SH3TC1: variants seen among roughly 807,000 people sequenced by gnomAD.
SH3TC1 encodes the protein SH3 domain and tetratricopeptide repeats 1, also known as SH3 domain and tetratricopeptide repeat-containing protein 1.
SH3TC1 carries 135 observed loss-of-function variants against 117.3 expected under a neutral mutation model. That is an observed-to-expected ratio of 1.15 (90% CI 1.00 to 1.33). The LOEUF (loss-of-function observed/expected upper bound fraction) is 1.33, where lower values mean the gene tolerates loss of function less well. SH3TC1 is among the 40% of genes most tolerant of loss of function. The probability of loss-of-function intolerance (pLI) is 0.00; values close to 1 mark genes in which losing one functional copy is unlikely to be tolerated. For synonymous variants in SH3TC1, 898 were observed against 816.9 expected (o/e 1.10, Z -1.69); for missense variants, 2,092 against 1,794.3 (o/e 1.17, Z -3.00).
rs541212836 is a variant in SH3TC1, at chr4:8,239,452, G to A, written c.3754-1246G>A. On this transcript the variant is annotated intron_variant, in intron 17 of 17. Transcript: ENST00000245105. ...CATGCACACACACGGACACGCACAC[G>A]CAGATGCACACAGGCATATGCACAC... Among the ~76,000 whole-genome samples, 8 of 142,342 alleles carry A rather than the reference G, an allele frequency of 5.6e-5. No homozygotes were observed. The South Asian group carries it at 9.1e-4, about 16-fold the overall frequency. 93.4% of individuals were successfully genotyped at this position (142,342 alleles called of 152,430 possible).
chr4:8,216,731 G>T (rs1175068267), intron 6 of SH3TC1, among the ~76,000 whole-genome samples: 2 of 152,138 alleles, frequency 1.3e-5, no homozygotes, highest in Non-Finnish European at 2.9e-5. Flanking sequence ...CCAGGGCGAG[G>T]GTCTGAGGCT....
rs777696298 is a variant in SH3TC1 at position 8,227,476 on chromosome 4, C to T, written c.1782C>T (p.Phe594=). Residue 594 remains phenylalanine (F), a synonymous_variant, in exon 12 of 18, where the codon TTC becomes TTT. Coordinates refer to ENST00000245105, the MANE Select transcript of SH3TC1 (RefSeq NM_018986.5). ...CGCTGGGGGCCCTGGAGGGCAGCTTCGGGGACCTGTTCCTAGTGGTGGCTG... is the reference window on the plus strand; with the variant it reads ...CGCTGGGGGCCCTGGAGGGCAGCTTTGGGGACCTGTTCCTAGTGGTGGCTG... ...EEALGALEGS[F]GDLFLVVAVY... The T allele has an allele frequency of 2.6e-5, 40 of 1,565,718 alleles. No homozygotes were observed. The East Asian group carries it at 4.9e-4, about 19-fold the overall frequency.
In SH3TC1 at chr4:8,234,447, C is replaced by T. The variant is rs1490914241; in HGVS notation, c.3282+934C>T. On this transcript the variant is annotated intron_variant, in intron 14 of 17. Coordinates refer to ENST00000245105, the MANE Select transcript of SH3TC1 (RefSeq NM_018986.5). The stretch of plus-strand genomic sequence containing the variant: ...ACCCATCCATCCATACATTATCCAC[C>T]CACCCATACATACACACATCATTCA... 2.0e-5 allele frequency among the ~76,000 whole-genome samples: 3 copies of T among 151,478 alleles called. No homozygotes were observed. In the East Asian group the frequency reaches 5.9e-4, roughly 30 times the overall value.
rs200132766 is a variant in SH3TC1, at chr4:8,214,523, G to A, written c.424G>A (p.Val142Met). The change falls in exon 5 of 18, where the codon GTG becomes ATG. Residue 142 changes from valine to methionine, a missense_variant. Coordinates refer to ENST00000245105, the MANE Select transcript of SH3TC1 (RefSeq NM_018986.5). ...CATCCACAGTGACCAGGACCGGATC[G>A]TGGTGACGTTTAAGACTTTTGAAGA... ...LSIHSDQDRIVVTFKTFEEIW... is the reference protein window; with the variant it reads ...LSIHSDQDRIMVTFKTFEEIW... 9.5e-5 allele frequency: 153 copies of A among 1,614,008 alleles called. No homozygotes were observed. In the Middle Eastern group the frequency reaches 4.5e-3, roughly 47 times the overall value.
chr4:8,194,552 A>G (rs1404475904), upstream of SH3TC1, among the ~76,000 whole-genome samples: 1 of 152,104 alleles, frequency 6.6e-6, no homozygotes, highest in Admixed American at 6.5e-5. Context: ...CTCTAACTCT[A>G]ACATACCTGT....
intron 1 of SH3TC1, among the ~76,000 whole-genome samples, chr4:8,189,870 G>A (rs2152974410): frequency 6.6e-6 from 1 of 152,304 alleles, no homozygotes; most frequent in East Asian, 1.9e-4. Flanking sequence ...ATGACCTTTA[G>A]GGAGGAGGAG....
intron 2 of SH3TC1, among the ~76,000 whole-genome samples, chr4:8,208,844 C>T (rs184277789): frequency 2.6e-5 from 4 of 152,374 alleles, no homozygotes; most frequent in Admixed American, 2.6e-4. Flanking sequence ...GGCTGTGCGG[C>T]GCCCAGGGCT....
At position 8,228,443 on chromosome 4, in the gene SH3TC1, G is replaced by C. The variant is rs764711093; in HGVS notation, c.2749G>C (p.Gly917Arg). ...CTTCGGGGCCCTGTGCCTGCATGCG[G>C]GTGCCAGCAGGCTGGCCCAGCACTA... is the stretch of plus-strand genomic sequence containing the variant. ...ANFGALCLHA[G>R]ASRLAQHYLL... The change falls in exon 12 of 18, where the codon GGT (glycine) becomes CGT (arginine). Residue 917 changes from glycine (G) to arginine (R), a missense_variant. By Grantham distance (125) the Gly-to-Arg change is moderately radical. Coordinates refer to ENST00000245105, the MANE Select transcript of SH3TC1 (RefSeq NM_018986.5). The C allele has an allele frequency of 1.2e-6, 2 of 1,604,648 alleles. No individual in the cohort carries two copies. Among genetic ancestry groups the C allele is most frequent in the Admixed American group, 3.4e-5 (2 of 59,636 alleles).
chr4:8,218,219 T>C (rs1185479663), intron 7 of SH3TC1, 52 bp from the exon 8 acceptor site: 3 of 1,469,694 alleles, frequency 2.0e-6, no homozygotes, highest in African/African-American at 2.8e-5. Flanking sequence ...ACAGGATGTA[T>C]CTGCCCCAAA....
At chr4:8,204,967 T>G in intron 1 of SH3TC1, 200 bp from the exon 2 acceptor site, 2 of 390,356 alleles carry the variant, frequency 5.1e-6, no homozygotes, top group Non-Finnish European at 4.5e-6. Flanking sequence ...AAACCCGAGA[T>G]AGGGAGGGGA....
Position 8,236,290 on chromosome 4 carries a change from C to T in SH3TC1, c.3418C>T (p.Pro1140Ser). 6.4e-7 allele frequency: 1 copy of T among 1,553,734 alleles called. No homozygotes were observed. Among genetic ancestry groups the T allele is most frequent in the South Asian group, 1.2e-5 (1 of 84,342 alleles). ...GCCTGTGTGGCAGGACCGGGCCCTG[C>T]CCCTGGCAGTGACTACGGGCAACCG... ...AVSFYRDRAL[P>S]LAVTTGNRKA... The change falls in exon 16 of 18, where the codon CCC becomes TCC. Residue 1140 changes from proline (P) to serine (S), a missense_variant. Coordinates refer to ENST00000245105, the MANE Select transcript of SH3TC1 (RefSeq NM_018986.5).
rs768946324 is a variant in SH3TC1 at position 8,227,932 on chromosome 4, G to T, written c.2238G>T (p.Arg746Ser). ...GGGGCTCGCTGGCCGGCTCGCTGAG[G>T]AGTGTGAACCTGGTGCTCCAGAACG... is the stretch of plus-strand genomic sequence containing the variant. ...RTRGSLAGSL[R>S]SVNLVLQNAP... Residue 746 changes from arginine to serine, a missense_variant, in exon 12 of 18, where the codon AGG becomes AGT. Transcript: ENST00000245105. 1 of 1,612,528 alleles carries T rather than the reference G, an allele frequency of 6.2e-7. No individual in the cohort carries two copies. Among genetic ancestry groups the T allele is most frequent in the African/African-American group, 1.3e-5 (1 of 74,926 alleles).
chr4:8,218,858 G>A (rs898077244), intron 8 of SH3TC1, among the ~76,000 whole-genome samples: 3 of 152,184 alleles, frequency 2.0e-5, no homozygotes, highest in Non-Finnish European at 4.4e-5. Context: ...CGGGTCCAGC[G>A]CTTTGTGCTC....
chr4:8,209,638 G>T lies in SH3TC1; in HGVS notation c.173-110G>T. On this transcript the variant is annotated intron_variant, in intron 2 of 17. Coordinates refer to ENST00000245105, the MANE Select transcript of SH3TC1 (RefSeq NM_018986.5). This position sits in a 1 kb window ranked among gnomAD's most constrained non-coding sequence, Gnocchi z 5.9. ...AGCTGTGGGAAAGGCGGCTCGTGCGGGACAGAACTCACCTCTTTTCTTGCA... is the reference window on the plus strand; with the variant it reads ...AGCTGTGGGAAAGGCGGCTCGTGCGTGACAGAACTCACCTCTTTTCTTGCA... The T allele has an allele frequency of 6.4e-7, 1 of 1,550,900 alleles. No individual in the cohort carries two copies.
chr4:8,223,895 A>G (rs1720188058), intron 10 of SH3TC1, among the ~76,000 whole-genome samples: 1 of 152,182 alleles, frequency 6.6e-6, no homozygotes, highest in Non-Finnish European at 1.5e-5. Context: ...TCAGCCTCCC[A>G]AAGTGCTGGG....
chr4:8,236,437 CCT>C lies in SH3TC1; in HGVS notation c.3556+10_3556+11del. 6.9e-7 allele frequency: 1 copy of C among 1,440,274 alleles called. No individual in the cohort carries two copies. Among genetic ancestry groups the C allele is most frequent in the Non-Finnish European group, 9.2e-7 (1 of 1,088,112 alleles). 89.2% of individuals were successfully genotyped at this position (1,440,274 alleles called of 1,614,324 possible). ...ACTCAGCATCACCCTGGGTAAGCCC[CCT>C]GAGCCCCTGCCCTGCCAGGACCCAC... On this transcript the variant is annotated intron_variant, in intron 16 of 17. Coordinates refer to ENST00000245105, the MANE Select transcript of SH3TC1 (RefSeq NM_018986.5).
intron 13 of SH3TC1, chr4:8,233,031 C>G (rs555986650): frequency 8.3e-7 from 1 of 1,212,052 alleles, no homozygotes; most frequent in Non-Finnish European, 1.0e-6. Context: ...TGAGAACCAT[C>G]GGCCTGGATA....
rs557095865 is a variant in SH3TC1, at chr4:8,201,182, A to G, written c.-29+1777A>G. Among the ~76,000 whole-genome samples, 7 of 152,272 alleles carry G rather than the reference A, an allele frequency of 4.6e-5. No individual in the cohort carries two copies. In the South Asian group the frequency reaches 1.5e-3, roughly 32 times the overall value. On this transcript the variant is annotated intron_variant, in intron 1 of 17. Transcript: ENST00000245105. ...TGGCCAAAGCTTCCCAAACCCATTC[A>G]GGGCTGGCCGCGGCCCTCTCCCTTC...
At chr4:8,200,542 C>T (rs753283786) in intron 1 of SH3TC1, among the ~76,000 whole-genome samples, 3 of 152,196 alleles carry the variant, frequency 2.0e-5, no homozygotes, top group Non-Finnish European at 2.9e-5. Flanking sequence ...CCGTGTGGGG[C>T]GCTGGGCCAG....
Sources: allele counts gnomAD v4.1 joint callset (sites outside exome capture counted in the v4.1 genomes callset), GRCh38; gene constraint gnomAD v4.1.1; non-coding constraint Gnocchi (gnomAD v3.1); transcripts MANE v1.5; gene names NCBI Gene and HGNC (gene_info 2026-07-23, HGNC 2026-07-21).